The following AMBRA1 variants were observed in gnomAD, a reference collection of about 807,000 sequenced individuals.
AMBRA1 encodes the protein activating molecule in BECN1-regulated autophagy protein 1.
A neutral mutation model predicts 125.4 loss-of-function variants in AMBRA1; 47 were observed. That is an observed-to-expected ratio of 0.37 (90% CI 0.30 to 0.48). The LOEUF (loss-of-function observed/expected upper bound fraction) is 0.48. Ranked by LOEUF, AMBRA1 falls within the 20% of genes least tolerant of loss-of-function variation. The pLI is 0.99. For synonymous variants in AMBRA1, 626 were observed against 655.5 expected (o/e 0.95, Z 0.69); for missense variants, 1,331 against 1,693.4 (o/e 0.79, Z 3.76).
chr11:46,584,309 T>C (rs1175357022), intron 1 of AMBRA1, among the ~76,000 whole-genome samples: 2 of 132,826 alleles, frequency 1.5e-5, no homozygotes, highest in African/African-American at 5.8e-5. Flanking sequence ...CACTCATAGG[T>C]GGGAATTGAG....
At chr11:46,442,483 C>T (rs746122704) in intron 12 of AMBRA1, among the ~76,000 whole-genome samples, 5 of 152,138 alleles carry the variant, frequency 3.3e-5, no homozygotes, top group Non-Finnish European at 7.4e-5. Flanking sequence ...GATGGTCAGG[C>T]CACCTTGTCA....
chr11:46,459,055 T>A (rs1042508522), intron 11 of AMBRA1, among the ~76,000 whole-genome samples: 1 of 152,074 alleles, frequency 6.6e-6, no homozygotes, highest in Non-Finnish European at 1.5e-5. Context: ...TAAACATCCA[T>A]CGGGAAGAAA....
At position 46,396,472 on chromosome 11, in the gene AMBRA1, ACTATC is replaced by A. The variant is rs1945471297; in HGVS notation, c.*973_*977del. On this transcript the variant is annotated 3_prime_UTR_variant, in exon 18 of 18. Coordinates refer to ENST00000683756, the MANE Select transcript of AMBRA1 (RefSeq NM_001387011.1). ...TTGGTGTTTCCCTCATTAGCTGTAG[ACTATC>A]CCCTCTCCTCCCACCACAATGTTTC... The A allele has an allele frequency of 6.6e-6, 1 of 152,410 alleles. No homozygotes were observed. Among genetic ancestry groups the A allele is most frequent in the Non-Finnish European group, 1.5e-5 (1 of 68,022 alleles). The allele number at this position is 152,410 out of a possible 1,614,324, so 9.4% of individuals were successfully genotyped here.
intron 11 of AMBRA1, among the ~76,000 whole-genome samples, chr11:46,451,450 G>A (rs981687861): frequency 1.3e-5 from 2 of 152,096 alleles, no homozygotes; most frequent in African/African-American, 4.8e-5. Flanking sequence ...TGCTTGGAAA[G>A]AATTAGGAAT....
chr11:46,527,477 C>CAAAAAAAAAAAAAAAAAAAAAAAAAAAAA (rs59904013), intron 7 of AMBRA1, among the ~76,000 whole-genome samples: 3 of 25,940 alleles, frequency 1.2e-4, no homozygotes, highest in Non-Finnish European at 1.8e-4. Context: ...GAGACTGTCT[C>CAAAAAAAAAAAAAAAAAAAAAAAAAAAAA]AAAAAAAAAA....
chr11:46,542,922 C>G lies in AMBRA1; in HGVS notation c.1095G>C (p.Leu365=), dbSNP rs1262808283. 5.6e-6 allele frequency: 9 copies of G among 1,611,210 alleles called. No homozygotes were observed. The highest frequency in any genetic ancestry group is 4.5e-5 in the East Asian group (2 of 44,876). ...ASSTQQDQGL[L]NRPSAFSTVQ... ...CTGTACTGAAGGCAGACGGCCGGTT[C>G]AGGAGGCCCTGGTCCTGCTGCGTTG... Residue 365 remains leucine, a synonymous_variant, in exon 7 of 18, where the codon CTG becomes CTC. Transcript: ENST00000683756. This position sits in a 1 kb window ranked among gnomAD's most constrained non-coding sequence, Gnocchi z 5.9.
chr11:46,578,754 G>A (rs1383175480), intron 1 of AMBRA1, among the ~76,000 whole-genome samples: 3 of 150,928 alleles, frequency 2.0e-5, no homozygotes, highest in Admixed American at 6.6e-5. Flanking sequence ...GGTGGCGGGC[G>A]TCTGTAGTCC....
intron 11 of AMBRA1, among the ~76,000 whole-genome samples, chr11:46,484,866 C>G (rs1292787781): frequency 6.6e-6 from 1 of 151,180 alleles, no homozygotes; most frequent in Admixed American, 6.6e-5. Context: ...AGGATGATCT[C>G]GATCTCCTGA....
At chr11:46,520,064 A>C (rs552922867) in intron 7 of AMBRA1, among the ~76,000 whole-genome samples, 1 of 151,748 alleles carries the variant, frequency 6.6e-6, no homozygotes, top group South Asian at 2.1e-4. Flanking sequence ...GCTTGAACCC[A>C]GGAGGCAGAG....
intron 11 of AMBRA1, among the ~76,000 whole-genome samples, chr11:46,486,220 C>T (rs773042201): frequency 6.6e-6 from 1 of 152,138 alleles, no homozygotes; most frequent in Non-Finnish European, 1.5e-5. Context: ...ATGTTATCTG[C>T]CTGGCTACTG....
chr11:46,435,308 C>T (rs1423074314), intron 12 of AMBRA1, among the ~76,000 whole-genome samples: 3 of 152,232 alleles, frequency 2.0e-5, no homozygotes, highest in Non-Finnish European at 2.9e-5. Context: ...TAGGAAATAC[C>T]GCTTGAGAGA....
intron 9 of AMBRA1, among the ~76,000 whole-genome samples, chr11:46,502,712 C>A (rs1488393970): frequency 6.6e-6 from 1 of 152,270 alleles, no homozygotes; most frequent in South Asian, 2.1e-4. Flanking sequence ...AACATATCTT[C>A]TTTGCCATGA....
intron 14 of AMBRA1, among the ~76,000 whole-genome samples, chr11:46,431,767 T>A (rs1947464138): frequency 6.6e-6 from 1 of 152,216 alleles, no homozygotes; most frequent in Non-Finnish European, 1.5e-5. Context: ...AAGAAGAATA[T>A]TTAAATGAAA....
At chr11:46,458,512 T>C (rs1256690086) in intron 11 of AMBRA1, among the ~76,000 whole-genome samples, 1 of 152,242 alleles carries the variant, frequency 6.6e-6, no homozygotes, top group Non-Finnish European at 1.5e-5. Flanking sequence ...CGATTTTCCA[T>C]TGGTACTGTG....
At chr11:46,575,512 C>CTTTT (rs775796043) in intron 1 of AMBRA1, among the ~76,000 whole-genome samples, 17 of 100,406 alleles carry the variant, frequency 1.7e-4, no homozygotes, top group South Asian at 3.3e-4. Flanking sequence ...TTTTTCTTTC[C>CTTTT]TTTTTTTTTT....
At chr11:46,498,314 T>G (rs1237530002) in intron 9 of AMBRA1, among the ~76,000 whole-genome samples, 1 of 152,170 alleles carries the variant, frequency 6.6e-6, no homozygotes, top group Non-Finnish European at 1.5e-5. Flanking sequence ...AGGAATACTT[T>G]TCAGGGAAAC....
chr11:46,473,337 G>A (rs1030046713), intron 11 of AMBRA1, among the ~76,000 whole-genome samples: 11 of 152,252 alleles, frequency 7.2e-5, no homozygotes, highest in African/African-American at 2.7e-4. Context: ...CTGAGGAAAA[G>A]AAGCCTGTGT....
At chr11:46,487,300 C>T (rs1164790191) in intron 11 of AMBRA1, among the ~76,000 whole-genome samples, 1 of 151,934 alleles carries the variant, frequency 6.6e-6, no homozygotes, top group African/African-American at 2.4e-5. Context: ...GGGCAGAGGA[C>T]AACCAAAAAT....
intron 11 of AMBRA1, among the ~76,000 whole-genome samples, chr11:46,486,962 A>G (rs1950290463): frequency 6.6e-6 from 1 of 151,138 alleles, no homozygotes; most frequent in Middle Eastern, 3.4e-3. Context: ...AATACAAATA[A>G]AAGAGATGAG....
Sources: allele counts gnomAD v4.1 joint callset (sites outside exome capture counted in the v4.1 genomes callset), GRCh38; gene constraint gnomAD v4.1.1; non-coding constraint Gnocchi (gnomAD v3.1); transcripts MANE v1.5; gene names NCBI Gene and HGNC (gene_info 2026-07-23, HGNC 2026-07-21).